The following MYOCD variants were observed in gnomAD, a reference collection of about 807,000 sequenced individuals.
MYOCD encodes the protein myocardin.
A neutral mutation model predicts 96.1 loss-of-function variants in MYOCD; 32 were observed. The ratio of observed to expected loss-of-function variants is 0.33; its 90% CI spans 0.25 to 0.45. The LOEUF (loss-of-function observed/expected upper bound fraction) is 0.45. Among genes scored for constraint, MYOCD ranks in the 20% least tolerant of loss-of-function variants. MYOCD has a pLI of 1.00. For missense variants in MYOCD, 1,133 were observed against 1,200.6 expected, an observed-to-expected ratio of 0.94 and a Z score of 0.83; for synonymous variants, 469 against 469.0, an observed-to-expected ratio of 1.00 and a Z score of 0.00.
chr17:12,683,744 A>G (rs1335958881), intron 1 of MYOCD, among the ~76,000 whole-genome samples: 1 of 152,182 alleles, frequency 6.6e-6, no homozygotes, highest in Non-Finnish European at 1.5e-5. Context: ...ACACTCCCCA[A>G]ATTGTAATTA....
At chr17:12,710,164 G>A (rs2031438184) in intron 2 of MYOCD, among the ~76,000 whole-genome samples, 1 of 152,144 alleles carries the variant, frequency 6.6e-6, no homozygotes, top group African/African-American at 2.4e-5. Flanking sequence ...CATGGGAATG[G>A]CTATCCAGGA....
At chr17:12,670,951 C>T (rs1005159917) in intron 1 of MYOCD, among the ~76,000 whole-genome samples, 4 of 152,290 alleles carry the variant, frequency 2.6e-5, no homozygotes, top group East Asian at 1.9e-4. Context: ...CAGCTGTATT[C>T]GATTCACTCA....
intron 5 of MYOCD, among the ~76,000 whole-genome samples, chr17:12,723,856 G>T (rs540093602): frequency 6.6e-6 from 1 of 152,302 alleles, no homozygotes; most frequent in Non-Finnish European, 1.5e-5. Flanking sequence ...AAAAGTAGGT[G>T]TAAGGGCATT....
At chr17:12,726,906 G>C (rs968315774) in intron 5 of MYOCD, among the ~76,000 whole-genome samples, 16 of 152,032 alleles carry the variant, frequency 1.1e-4, no homozygotes, top group African/African-American at 3.9e-4. Context: ...TTTTGCCCAT[G>C]ATTATTTGTC....
At chr17:12,697,359 A>ATTTTTTTTTTTT (rs71144918) in intron 1 of MYOCD, among the ~76,000 whole-genome samples, 2 of 75,736 alleles carry the variant, frequency 2.6e-5, no homozygotes, top group South Asian at 4.5e-4. Context: ...ATATATATAT[A>ATTTTTTTTTTTT]TTTTTTTTTT....
chr17:12,734,011 C>T (rs1033515445), intron 5 of MYOCD, among the ~76,000 whole-genome samples: 3 of 152,084 alleles, frequency 2.0e-5, no homozygotes, highest in Admixed American at 6.6e-5. Context: ...TTATTATTTG[C>T]TCTCTCTCTA....
chr17:12,666,072 G>A lies in MYOCD; in HGVS notation c.-117G>A. On this transcript the variant is annotated 5_prime_UTR_variant, in exon 1 of 14. Coordinates refer to ENST00000425538, the MANE Select transcript of MYOCD (RefSeq NM_001146312.3). ...TGTACTCCTACCCAGGGGAGCTCAC[G>A]GAGAGTTGGATGAATTCTGGGTTGT... The A allele has an allele frequency of 2.7e-6, 2 of 729,686 alleles. No homozygotes were observed. Among genetic ancestry groups the A allele is most frequent in the Non-Finnish European group, 2.4e-6 (1 of 414,258 alleles). 45.2% of individuals were successfully genotyped at this position (729,686 alleles called of 1,614,324 possible).
chr17:12,667,942 T>A (rs1223581717), intron 1 of MYOCD, among the ~76,000 whole-genome samples: 4 of 152,130 alleles, frequency 2.6e-5, no homozygotes, highest in Non-Finnish European at 5.9e-5. Context: ...GAAGCAGGCA[T>A]CCTTAATCCT....
intron 5 of MYOCD, among the ~76,000 whole-genome samples, chr17:12,728,489 GT>G (rs1304853856): frequency 6.6e-6 from 1 of 151,946 alleles, no homozygotes; most frequent in African/African-American, 2.4e-5. Context: ...TTTTGTTGTT[GT>G]TTTTTTAAGA....
intron 9 of MYOCD, among the ~76,000 whole-genome samples, chr17:12,749,124 A>G (rs9911053): frequency 0.024 from 3,682 of 152,282 alleles, 164 homozygotes; most frequent in African/African-American, 0.085. Context: ...ATTTTTCATA[A>G]CTGTTAATAT....
At chr17:12,667,921 A>C (rs191727216) in intron 1 of MYOCD, among the ~76,000 whole-genome samples, 2,163 of 144,672 alleles carry the variant, frequency 0.015, 23 homozygotes, top group South Asian at 0.057. Flanking sequence ...GGAAAACATG[A>C]TATCACAGCA....
Position 12,678,050 on chromosome 17 carries a change from G to A in MYOCD, c.55+11807G>A, listed in dbSNP as rs1170953084. Among the ~76,000 whole-genome samples, 4 of 151,326 alleles carry A rather than the reference G, an allele frequency of 2.6e-5. No individual in the cohort carries two copies. In the South Asian group the frequency reaches 6.3e-4, roughly 24 times the overall value. Reference sequence around the variant, plus strand: ...TGGGACTGCAGGCGTGCACCACCACGCCCAGCTAATTTTTGTATTTTTAGT... The same window carrying A: ...TGGGACTGCAGGCGTGCACCACCACACCCAGCTAATTTTTGTATTTTTAGT... On this transcript the variant is annotated intron_variant, in intron 1 of 13. Coordinates refer to ENST00000425538, the MANE Select transcript of MYOCD (RefSeq NM_001146312.3).
At chr17:12,719,509 T>G (rs2031757520) in intron 4 of MYOCD, among the ~76,000 whole-genome samples, 1 of 152,146 alleles carries the variant, frequency 6.6e-6, no homozygotes, top group Middle Eastern at 3.4e-3. Flanking sequence ...ATTGGCTGAA[T>G]AAACTATGGA....
At position 12,752,780 on chromosome 17, in the gene MYOCD, A is replaced by C; in HGVS notation, c.1492A>C (p.Met498Leu). The part of the protein sequence containing the change: ...PVHVCTEESL[M>L]SSLNGGSVPS... ...CCACGTGTGCACGGAGGAAAGTCTCATGAGCAGCCTGAATGGGGGCTCTGT... is the reference window on the plus strand; with the variant it reads ...CCACGTGTGCACGGAGGAAAGTCTCCTGAGCAGCCTGAATGGGGGCTCTGT... The change falls in exon 10 of 14, where the codon ATG (methionine) becomes CTG (leucine). Residue 498 changes from methionine to leucine, a missense_variant. Coordinates refer to ENST00000425538, the MANE Select transcript of MYOCD (RefSeq NM_001146312.3). The C allele has an allele frequency of 6.2e-7, 1 of 1,614,074 alleles. No individual in the cohort carries two copies. Among genetic ancestry groups the C allele is most frequent in the East Asian group, 2.2e-5 (1 of 44,874 alleles).
Position 12,752,562 on chromosome 17 carries a change from T to A in MYOCD, c.1274T>A (p.Val425Asp). 1 of 1,614,134 alleles carries A rather than the reference T, an allele frequency of 6.2e-7. No homozygotes were observed. The highest frequency in any genetic ancestry group is 8.5e-7 in the Non-Finnish European group (1 of 1,180,028). ...FGDITTVTFP[V>D]TPNTLPNYQS... ...GATATAACGACTGTCACTTTTCCTG[T>A]CACACCCAACACGCTGCCCAATTAC... Residue 425 changes from valine to aspartate, a missense_variant, in exon 10 of 14, where the codon GTC becomes GAC. Transcript: ENST00000425538.
intron 5 of MYOCD, among the ~76,000 whole-genome samples, chr17:12,734,839 C>T (rs2017838): frequency 0.55 from 83,501 of 152,030 alleles, 23,002 homozygotes; most frequent in East Asian, 0.69. Flanking sequence ...GTATGAATTT[C>T]TATGATGAAC....
rs759552000 is a variant in MYOCD at position 12,764,818 on chromosome 17, G to GA, written c.*1179dup. ...CCATACTCCTAAGAAAGCCATTTTT[G>GA]AAAAATTTAACAATCCAGGTTCTTC... On this transcript the variant is annotated 3_prime_UTR_variant, in exon 14 of 14. Transcript: ENST00000425538. 1.3e-5 allele frequency: 2 copies of GA among 152,096 alleles called. No individual in the cohort carries two copies. The highest frequency in any genetic ancestry group is 3.9e-4 in the East Asian group (2 of 5,182). 9.4% of individuals were successfully genotyped at this position (152,096 alleles called of 1,614,324 possible). A position where few individuals can be genotyped will look rare whatever the true frequency, so the allele number is the denominator to read the frequency against.
At chr17:12,753,909 C>T (rs1023840939) in intron 10 of MYOCD, among the ~76,000 whole-genome samples, 4 of 152,156 alleles carry the variant, frequency 2.6e-5, no homozygotes, top group South Asian at 2.1e-4. Context: ...TGCCAGGCCC[C>T]GTTCTCATCT....
chr17:12,688,555 C>G (rs1162988989), intron 1 of MYOCD, among the ~76,000 whole-genome samples: 1 of 95,868 alleles, frequency 1.0e-5, no homozygotes. Flanking sequence ...CATCTTCTTC[C>G]TTCCTTCCTT....
Sources: allele counts gnomAD v4.1 joint callset (sites outside exome capture counted in the v4.1 genomes callset), GRCh38; gene constraint gnomAD v4.1.1; transcripts MANE v1.5; gene names NCBI Gene and HGNC (gene_info 2026-07-23, HGNC 2026-07-21).